FRMD6: variants seen among roughly 807,000 people sequenced by gnomAD.
The protein encoded by FRMD6 is FERM domain containing 6, also known as FERM domain-containing protein 6.
In FRMD6, 37 loss-of-function variants were observed where a neutral mutation model predicts 73.2. The observed-to-expected ratio is 0.51, with a 90% CI of 0.39 to 0.66. The LOEUF (loss-of-function observed/expected upper bound fraction) is 0.66, where lower values mean the gene tolerates loss of function less well. Ranked by LOEUF, FRMD6 falls within the 30% of genes least tolerant of loss-of-function variation. FRMD6 has a pLI of 0.00. For missense variants in FRMD6, 714 were observed against 780.5 expected (o/e 0.91, Z 1.02); for synonymous variants, 273 against 282.2 (o/e 0.97, Z 0.33).
the FRMD6 span, among the ~76,000 whole-genome samples, chr14:51,469,545 G>A: frequency 4.0e-5 from 6 of 149,752 alleles, no homozygotes; most frequent in East Asian, 2.0e-4. Flanking sequence ...CCCGGGAGGC[G>A]GAGCTTGCAG....
intron 2 of FRMD6, among the ~76,000 whole-genome samples, chr14:51,625,776 C>G (rs551032192): frequency 6.6e-6 from 1 of 152,192 alleles, no homozygotes; most frequent in South Asian, 2.1e-4. Flanking sequence ...ACCTAGATCT[C>G]ACATCATTTG....
the FRMD6 span, among the ~76,000 whole-genome samples, chr14:51,483,241 GA>G: frequency 9.9e-5 from 15 of 152,272 alleles, no homozygotes; most frequent in African/African-American, 3.4e-4. Context: ...GCACCTTTCT[GA>G]AAAGCGGAGA....
rs141162205 is a variant in FRMD6, at chr14:51,599,382, A to G, written c.-147+28972A>G. Among the ~76,000 whole-genome samples, 574 of 152,292 alleles carry G rather than the reference A, an allele frequency of 3.8e-3. 1 individual carries two copies. Among genetic ancestry groups the G allele is most frequent in the African/African-American group, 0.013 (548 of 41,546 alleles). On this transcript the variant is annotated intron_variant, in intron 2 of 14. Coordinates refer to the FRMD6 transcript ENST00000356218. ...ATTTAAACATAAGGCCACAAAGTAT[A>G]AGAATTCCAGAAGAAAACTTAGGAG...
Position 51,712,543 on chromosome 14 carries a change from G to A in FRMD6, c.841G>A (p.Val281Met). Residue 281 changes from valine (V) to methionine (M), a missense_variant, in exon 9 of 14, where the codon GTG (valine) becomes ATG (methionine). By Grantham distance (21) the Val-to-Met change is conservative. Coordinates refer to ENST00000344768, the MANE Select transcript of FRMD6 (RefSeq NM_001267046.2). The stretch of plus-strand genomic sequence containing the variant: ...CCCCTGGACAAATGTTGGAAAATTG[G>A]TGTTTGTGGTAAGTTTAAAATAACT... Reference protein sequence around the residue: ...DFPWTNVGKLVFVGKKFEILP... With the variant: ...DFPWTNVGKLMFVGKKFEILP... The A allele has an allele frequency of 1.9e-6, 3 of 1,593,936 alleles. No homozygotes were observed. Among genetic ancestry groups the A allele is most frequent in the South Asian group, 2.2e-5 (2 of 90,318 alleles).
intron 1 of FRMD6, among the ~76,000 whole-genome samples, chr14:51,684,180 A>G (rs532643369): frequency 3.7e-4 from 56 of 151,208 alleles, no homozygotes; most frequent in African/African-American, 1.3e-3. Flanking sequence ...AAAAACCCTC[A>G]TAGTACAGAG....
chr14:51,501,502 G>A (rs1031042700), intron 1 of FRMD6, among the ~76,000 whole-genome samples: 4 of 152,104 alleles, frequency 2.6e-5, no homozygotes. Flanking sequence ...GTTTGCTGAG[G>A]ATAATGGCTT....
chr14:51,532,368 CAAAAA>C (rs35803305), intron 1 of FRMD6, among the ~76,000 whole-genome samples: 18 of 117,826 alleles, frequency 1.5e-4, no homozygotes, highest in Non-Finnish European at 1.9e-4. Context: ...GACTCCATCT[CAAAAA>C]AAAAAAAAAA....
In FRMD6 at chr14:51,546,510, G is replaced by C. The variant is rs191137800; in HGVS notation, c.-209-23838G>C. The stretch of plus-strand genomic sequence containing the variant: ...TTGGGAGAATATCTAATGGGGTAAA[G>C]GTAATTTATTTAAAAAAAAAAACTG... On this transcript the variant is annotated intron_variant, in intron 1 of 14. Coordinates refer to the FRMD6 transcript ENST00000356218. 16 of 139,914 alleles carry C rather than the reference G, an allele frequency of 1.1e-4. No homozygotes were observed. In the East Asian group the frequency reaches 2.7e-3, roughly 24 times the overall value. 8.7% of individuals were successfully genotyped at this position (139,914 alleles called of 1,614,324 possible). A position where few individuals can be genotyped will look rare whatever the true frequency, so the allele number is the denominator to read the frequency against.
the FRMD6 span, among the ~76,000 whole-genome samples, chr14:51,422,322 G>A: frequency 6.6e-6 from 1 of 152,008 alleles, no homozygotes; most frequent in Non-Finnish European, 1.5e-5. Flanking sequence ...TATGTAATGG[G>A]CCAAGAATGG....
chr14:51,511,088 C>G (rs899176207), intron 1 of FRMD6, among the ~76,000 whole-genome samples: 2 of 152,112 alleles, frequency 1.3e-5, no homozygotes, highest in South Asian at 4.2e-4. Flanking sequence ...TCTAAGTAGT[C>G]CCACTGCTTT....
At chr14:51,691,314 T>A (rs1443986600) in intron 2 of FRMD6, among the ~76,000 whole-genome samples, 1 of 152,216 alleles carries the variant, frequency 6.6e-6, no homozygotes, top group African/African-American at 2.4e-5. Flanking sequence ...ATGTTATGTG[T>A]ATGCACATGT....
At chr14:51,620,987 G>T (rs1890905712) in intron 2 of FRMD6, among the ~76,000 whole-genome samples, 1 of 152,220 alleles carries the variant, frequency 6.6e-6, no homozygotes, top group African/African-American at 2.4e-5. Context: ...TGATTTGCCA[G>T]AGTTTGCTGA....
At position 51,729,060 on chromosome 14, in the gene FRMD6, GCAGA is replaced by G. The variant is rs1898130688; in HGVS notation, c.*1035_*1038del. The G allele has an allele frequency of 6.6e-6, 1 of 152,110 alleles. No homozygotes were observed. Among genetic ancestry groups the G allele is most frequent in the Non-Finnish European group, 1.5e-5 (1 of 68,014 alleles). The allele number at this position is 152,110 out of a possible 1,614,324, so 9.4% of individuals were successfully genotyped here. A position where few individuals can be genotyped will look rare whatever the true frequency, so the allele number is the denominator to read the frequency against. ...ATATGTCACTGAGTGAATGATACCT[GCAGA>G]CAGTCAGTTGATATATGTAGAGTTC... On this transcript the variant is annotated 3_prime_UTR_variant, in exon 14 of 14. Transcript: ENST00000344768.
At chr14:51,483,039 T>C in the FRMD6 span, among the ~76,000 whole-genome samples, 2 of 152,198 alleles carry the variant, frequency 1.3e-5, no homozygotes, top group South Asian at 4.1e-4. Flanking sequence ...TGTTTTGTCC[T>C]GTTCCAGTTC....
chr14:51,591,879 A>T (rs1223174792), intron 2 of FRMD6, among the ~76,000 whole-genome samples: 1 of 152,198 alleles, frequency 6.6e-6, no homozygotes, highest in Non-Finnish European at 1.5e-5. Flanking sequence ...AAACAACAGT[A>T]AGAGAGTTTA....
the FRMD6 span, among the ~76,000 whole-genome samples, chr14:51,450,526 G>A: frequency 3.3e-5 from 5 of 152,156 alleles, no homozygotes; most frequent in Non-Finnish European, 7.3e-5. Flanking sequence ...CACCAGGGTC[G>A]AGGAGAGATG....
At chr14:51,502,053 C>T (rs188140783) in intron 1 of FRMD6, among the ~76,000 whole-genome samples, 2 of 152,268 alleles carry the variant, frequency 1.3e-5, no homozygotes, top group South Asian at 2.1e-4. Flanking sequence ...ATGTCCTTTG[C>T]CCACTCTTTA....
At chr14:51,708,289 G>T (rs1896748531) in intron 7 of FRMD6, 56 bp downstream of exon 7, 7 of 1,433,190 alleles carry the variant, frequency 4.9e-6, no homozygotes, top group Non-Finnish European at 6.7e-6. Context: ...TTCTCAATAG[G>T]ATTGAGAAGG....
At chr14:51,581,774 A>T (rs1483858891) in intron 2 of FRMD6, among the ~76,000 whole-genome samples, 2 of 151,886 alleles carry the variant, frequency 1.3e-5, no homozygotes, top group Non-Finnish European at 2.9e-5. Flanking sequence ...TGAAAAGTTC[A>T]GTTGAGCAAA....
Sources: gnomAD v4.1 joint callset for allele counts (sites outside exome capture counted in the v4.1 genomes callset) on GRCh38, gnomAD v4.1.1 for gene constraint, MANE v1.5 for transcripts, NCBI Gene and HGNC (gene_info 2026-07-23, HGNC 2026-07-21) for gene names.